The following MAST4 variants were observed in gnomAD, a reference collection of about 807,000 sequenced individuals.
The protein encoded by MAST4 is microtubule-associated serine/threonine-protein kinase 4.
A neutral mutation model predicts 162.7 loss-of-function variants in MAST4; 89 were observed. That is an observed-to-expected ratio of 0.55 (90% CI 0.46 to 0.65). The LOEUF is 0.65. MAST4 is among the 30% of genes least tolerant of loss of function. The probability of loss-of-function intolerance (pLI) is 0.00; values close to 1 mark genes in which losing one functional copy is unlikely to be tolerated. For synonymous variants in MAST4, 1,479 were observed against 1,361.1 expected, an observed-to-expected ratio of 1.09 and a Z score of -1.91; for missense variants, 3,153 against 3,374.0, an observed-to-expected ratio of 0.93 and a Z score of 1.62.
chr5:67,156,535 C>A (rs1442305163), intron 26 of MAST4, among the ~76,000 whole-genome samples: 3 of 152,156 alleles, frequency 2.0e-5, no homozygotes, highest in Non-Finnish European at 4.4e-5. Context: ...GGAATGGCGT[C>A]AAAGAATTGA....
In MAST4 at chr5:67,144,777, A is replaced by C; in HGVS notation, c.2839A>C (p.Ser947Arg). The C allele has an allele frequency of 6.2e-7, 1 of 1,610,498 alleles. No individual in the cohort carries two copies. Among genetic ancestry groups the C allele is most frequent in the Non-Finnish European group, 8.5e-7 (1 of 1,177,916 alleles). ...TLPSTETLSW[S>R]SEYSEMQQLS... ...GCCATCCACAGAAACACTGAGCTGGAGTTCAGAATATTCTGAAATGTATGT... is the reference window on the plus strand; with the variant it reads ...GCCATCCACAGAAACACTGAGCTGGCGTTCAGAATATTCTGAAATGTATGT... The change falls in exon 22 of 29, where the codon AGT (serine) becomes CGT (arginine). Residue 947 changes from serine (S) to arginine (R), a missense_variant. Physicochemically the swap from Ser to Arg is moderately radical, Grantham distance 110. This residue lies in a region of MAST4 where 619 missense variants were observed against 744.2 expected (regional missense o/e 0.83). Transcript: ENST00000403625.
At chr5:66,987,667 T>C (rs575450586) in intron 4 of MAST4, among the ~76,000 whole-genome samples, 1 of 152,220 alleles carries the variant, frequency 6.6e-6, no homozygotes, top group South Asian at 2.1e-4. Context: ...AAGTTAATGG[T>C]TTAAGGAAAA....
intron 5 of MAST4, among the ~76,000 whole-genome samples, chr5:67,082,147 C>CT (rs60811351): frequency 0.22 from 28,279 of 125,770 alleles, 3,556 homozygotes; most frequent in Non-Finnish European, 0.25. Context: ...TACCTGTAAT[C>CT]TTTTTTTTTT....
chr5:67,027,583 A>G (rs989837260), intron 4 of MAST4, among the ~76,000 whole-genome samples: 1 of 152,196 alleles, frequency 6.6e-6, no homozygotes, highest in Non-Finnish European at 1.5e-5. Context: ...AATTCCAAAT[A>G]TAAACTTTAC....
Position 67,090,343 on chromosome 5 carries a change from C to G in MAST4, c.833+112C>G, listed in dbSNP as rs547781159. The G allele has an allele frequency of 1.9e-4, 97 of 523,994 alleles. 1 individual carries two copies. Among genetic ancestry groups the G allele is most frequent in the Non-Finnish European group, 2.1e-4 (63 of 298,398 alleles). The allele number at this position is 523,994 out of a possible 1,614,324, so 32.5% of individuals were successfully genotyped here. On this transcript the variant is annotated intron_variant, in intron 6 of 28. Transcript: ENST00000403625. ...CTTCTTCCCGTCCCCACTTCTCCCCCTCCCCACTTCCCCTTCCCCCCACTT... is the reference window on the plus strand; with the variant it reads ...CTTCTTCCCGTCCCCACTTCTCCCCGTCCCCACTTCCCCTTCCCCCCACTT...
At chr5:66,912,775 A>G (rs976836517) in intron 4 of MAST4, among the ~76,000 whole-genome samples, 1 of 152,052 alleles carries the variant, frequency 6.6e-6, no homozygotes, top group Admixed American at 6.6e-5. Flanking sequence ...GGTTGGTCAT[A>G]CCTTTAAGAT....
chr5:66,647,392 TC>T (rs1478787520), intron 1 of MAST4, among the ~76,000 whole-genome samples: 7 of 152,032 alleles, frequency 4.6e-5, no homozygotes, highest in Non-Finnish European at 8.8e-5. Context: ...ACATTTTTTT[TC>T]GTTTTCATTG....
intron 3 of MAST4, among the ~76,000 whole-genome samples, chr5:66,807,502 C>CAAAA (rs57438295): frequency 7.7e-6 from 1 of 129,208 alleles, no homozygotes. Flanking sequence ...GACTCCGTCT[C>CAAAA]AAAAAAAAAA....
intron 3 of MAST4, among the ~76,000 whole-genome samples, chr5:66,894,589 G>C (rs1206172466): frequency 7.9e-5 from 12 of 152,170 alleles, no homozygotes; most frequent in Non-Finnish European, 1.5e-4. Flanking sequence ...TGTTAGTGCA[G>C]AGTACTTGCA....
At chr5:66,920,748 C>G (rs1367476793) in intron 4 of MAST4, among the ~76,000 whole-genome samples, 1 of 152,110 alleles carries the variant, frequency 6.6e-6, no homozygotes, top group East Asian at 1.9e-4. Flanking sequence ...ACCTCAGCCT[C>G]CCAAAGTACT....
At chr5:66,769,350 C>T (rs1368935894) in intron 2 of MAST4, among the ~76,000 whole-genome samples, 1 of 152,102 alleles carries the variant, frequency 6.6e-6, no homozygotes, top group African/African-American at 2.4e-5. Flanking sequence ...GAAGCTGGGA[C>T]TTGGGTGCAT....
Position 67,166,157 on chromosome 5 carries a change from G to A in MAST4, c.6978G>A (p.Lys2326=). 6.4e-7 allele frequency: 1 copy of A among 1,568,652 alleles called. No individual in the cohort carries two copies. The highest frequency in any genetic ancestry group is 8.6e-7 in the Non-Finnish European group (1 of 1,156,250). The change falls in exon 29 of 29, where the codon AAG becomes AAA. Residue 2326 remains lysine (K), a synonymous_variant. Coordinates refer to ENST00000403625, the MANE Select transcript of MAST4 (RefSeq NM_001164664.2). ...ADQKLSAVGE[K]QTLSPKHPKP... is the part of the protein sequence containing the mutation. ...AGAAACTGTCCGCTGTTGGTGAAAA[G>A]CAAACCCTGTCTCCAAAGCACCCCA...
intron 2 of MAST4, among the ~76,000 whole-genome samples, chr5:66,785,323 C>A (rs1485451099): frequency 6.6e-6 from 1 of 152,182 alleles, no homozygotes; most frequent in Admixed American, 6.5e-5. Flanking sequence ...CCCATCTTTC[C>A]AGGTGCTTTT....
At chr5:66,955,237 A>G (rs982406382) in intron 4 of MAST4, among the ~76,000 whole-genome samples, 2 of 151,580 alleles carry the variant, frequency 1.3e-5, no homozygotes, top group Admixed American at 6.6e-5. Flanking sequence ...AAGAAACACT[A>G]GATGAGGGAG....
At chr5:66,765,580 A>C (rs1754057629) in intron 2 of MAST4, among the ~76,000 whole-genome samples, 1 of 152,182 alleles carries the variant, frequency 6.6e-6, no homozygotes. Context: ...CAGGGGAGTA[A>C]AGAATTGGAA....
intron 1 of MAST4, among the ~76,000 whole-genome samples, chr5:66,742,588 T>C (rs2149575710): frequency 6.6e-6 from 1 of 152,302 alleles, no homozygotes; most frequent in East Asian, 1.9e-4. Context: ...CTCAAGGGAC[T>C]CTTGACAAAT....
intron 3 of MAST4, among the ~76,000 whole-genome samples, chr5:66,833,106 AAG>A (rs1757728322): frequency 6.6e-6 from 1 of 152,174 alleles, no homozygotes; most frequent in African/African-American, 2.4e-5. Context: ...TTTATACTCT[AAG>A]AGTGGATTTT....
chr5:67,121,052 T>A lies in MAST4; in HGVS notation c.1695T>A (p.Pro565=). Reference sequence around the variant, plus strand: ...CCTCCCTGAAACTTCGAAGGAAACCTCGGGAAAGTGATTTTGAAACGATTA... The same window carrying A: ...CCTCCCTGAAACTTCGAAGGAAACCACGGGAAAGTGATTTTGAAACGATTA... ...SNASLKLRRK[P]RESDFETIKL... The change falls in exon 14 of 29, where the codon CCT becomes CCA. Residue 565 remains proline, a synonymous_variant. Transcript: ENST00000403625. 6.2e-7 allele frequency: 1 copy of A among 1,611,538 alleles called. No homozygotes were observed. The highest frequency in any genetic ancestry group is 1.1e-5 in the South Asian group (1 of 90,240).
At chr5:66,748,261 C>T (rs1469733885) in intron 1 of MAST4, among the ~76,000 whole-genome samples, 1 of 152,004 alleles carries the variant, frequency 6.6e-6, no homozygotes, top group Non-Finnish European at 1.5e-5. Context: ...CAATACCTGG[C>T]ACACAGCCGC....
Sources: gnomAD v4.1 joint callset for allele counts (sites outside exome capture counted in the v4.1 genomes callset) on GRCh38, gnomAD v4.1.1 for gene constraint, gnomAD v4.1.1 regional missense constraint, MANE v1.5 for transcripts, NCBI Gene and HGNC (gene_info 2026-07-23, HGNC 2026-07-21) for gene names.